TANGO6: variants seen among roughly 807,000 people sequenced by gnomAD.
TANGO6 encodes the protein transport and Golgi organization protein 6 homolog.
TANGO6 carries 90 observed loss-of-function variants against 114.2 expected under a neutral mutation model. The observed-to-expected ratio is 0.79, with a 90% CI of 0.66 to 0.94. TANGO6 has a LOEUF of 0.94. Ranked by LOEUF, TANGO6 falls within the 40% of genes least tolerant of loss-of-function variation. TANGO6 has a pLI of 0.00. For synonymous variants in TANGO6, 477 were observed against 509.8 expected, an observed-to-expected ratio of 0.94 and a Z score of 0.87; for missense variants, 1,274 against 1,315.3, an observed-to-expected ratio of 0.97 and a Z score of 0.49.
At chr16:69,078,222 G>A (rs1230395297) in intron 17 of TANGO6, among the ~76,000 whole-genome samples, 1 of 152,244 alleles carries the variant, frequency 6.6e-6, no homozygotes, top group South Asian at 2.1e-4. Context: ...CAGGCGGCCA[G>A]AGGGAGGCCC....
chr16:68,966,732 T>C (rs1299047587), intron 14 of TANGO6, among the ~76,000 whole-genome samples: 1 of 151,522 alleles, frequency 6.6e-6, no homozygotes, highest in African/African-American at 2.4e-5. Flanking sequence ...GCCTCTCAAG[T>C]AGTTAGGACT....
In TANGO6 at chr16:68,901,623, G is replaced by A. The variant is rs528629782; in HGVS notation, c.1491-705G>A. On this transcript the variant is annotated intron_variant, in intron 8 of 17. Coordinates refer to ENST00000261778, the MANE Select transcript of TANGO6 (RefSeq NM_024562.2). Reference sequence around the variant, plus strand: ...CCTGCCTCAGCCTCCTGGGTAGCTGGGCTTATAGGCACCTTCCACCATGCC... The same window carrying A: ...CCTGCCTCAGCCTCCTGGGTAGCTGAGCTTATAGGCACCTTCCACCATGCC... Among the ~76,000 whole-genome samples the A allele has an allele frequency of 1.2e-4, 18 of 152,158 alleles. 1 individual carries two copies. The South Asian group carries it at 3.3e-3, about 28-fold the overall frequency.
chr16:68,870,938 G>A (rs984991561), intron 4 of TANGO6, among the ~76,000 whole-genome samples: 8 of 147,818 alleles, frequency 5.4e-5, no homozygotes, highest in Non-Finnish European at 1.0e-4. Context: ...CAGCCACCAC[G>A]CCCGGCTAAT....
At position 68,927,711 on chromosome 16, in the gene TANGO6, G is replaced by A. The variant is rs1309333935; in HGVS notation, c.2271G>A (p.Glu757=). The change falls in exon 13 of 18, where the codon GAG becomes GAA. Residue 757 remains glutamate (E), a synonymous_variant. Coordinates refer to ENST00000261778, the MANE Select transcript of TANGO6 (RefSeq NM_024562.2). ...CTACCCATGGAGCCTTTGCCACTGA[G>A]GCCGTCAGCATGGCTGCCCAAAGTA... The part of the protein sequence containing the change: ...TISTHGAFAT[E]AVSMAAQSTL... The A allele has an allele frequency of 6.2e-7, 1 of 1,613,830 alleles. No individual in the cohort carries two copies. Among genetic ancestry groups the A allele is most frequent in the Admixed American group, 1.7e-5 (1 of 59,996 alleles).
intron 17 of TANGO6, among the ~76,000 whole-genome samples, chr16:69,044,889 C>T (rs530506282): frequency 3.0e-4 from 46 of 152,244 alleles, no homozygotes; most frequent in African/African-American, 1.1e-3. Context: ...GGCGCAGTGC[C>T]TCATGCCTAT....
intron 17 of TANGO6, among the ~76,000 whole-genome samples, chr16:69,058,652 T>C (rs1441906887): frequency 6.6e-6 from 1 of 152,216 alleles, no homozygotes; most frequent in African/African-American, 2.4e-5. Context: ...AGACTTCTGC[T>C]TCCTTAACCA....
intron 7 of TANGO6, among the ~76,000 whole-genome samples, chr16:68,897,634 A>C (rs1413893954): frequency 6.6e-6 from 1 of 151,042 alleles, no homozygotes; most frequent in Non-Finnish European, 1.5e-5. Context: ...GTTGGAGTAC[A>C]GTGGCATGAT....
intron 17 of TANGO6, among the ~76,000 whole-genome samples, chr16:69,042,217 A>G (rs1394160534): frequency 6.6e-6 from 1 of 152,194 alleles, no homozygotes; most frequent in Non-Finnish European, 1.5e-5. Context: ...ACTAATAGTG[A>G]CACAAAGGAA....
chr16:68,851,191 G>A (rs1415404928), intron 1 of TANGO6, among the ~76,000 whole-genome samples: 5 of 151,640 alleles, frequency 3.3e-5, no homozygotes, highest in South Asian at 2.1e-4. Flanking sequence ...ATGGAGTCTC[G>A]CTCTGTCTCC....
intron 15 of TANGO6, among the ~76,000 whole-genome samples, chr16:69,014,579 A>G (rs1317856516): frequency 6.6e-6 from 1 of 152,182 alleles, no homozygotes; most frequent in Admixed American, 6.6e-5. Context: ...AAAATTTGAC[A>G]TAGAGGAATC....
rs1333486280 is a variant in TANGO6, at chr16:68,919,188, T to C, written c.2096T>C (p.Leu699Pro). 1.9e-6 allele frequency: 3 copies of C among 1,612,838 alleles called. No homozygotes were observed. Among genetic ancestry groups the C allele is most frequent in the Non-Finnish European group, 2.5e-6 (3 of 1,179,536 alleles). ...ESQTLSMSMG[L>P]VAVMLGGAVQ... ...CAGACGCTGAGCATGTCCATGGGGC[T>C]GGTGGCTGTCATGCTAGGAGGAGCT... is the stretch of plus-strand genomic sequence containing the variant. The change falls in exon 12 of 18, where the codon CTG becomes CCG. Residue 699 changes from leucine (L) to proline (P), a missense_variant. Leu to Pro is a moderately conservative substitution (Grantham distance 98). Transcript: ENST00000261778.
At chr16:68,861,286 C>G (rs1020047314) in intron 2 of TANGO6, among the ~76,000 whole-genome samples, 1 of 152,176 alleles carries the variant, frequency 6.6e-6, no homozygotes, top group Admixed American at 6.5e-5. Context: ...AGTGCGGCCC[C>G]CAGGCGCAGT....
chr16:69,000,181 A>G (rs546277132), intron 15 of TANGO6, among the ~76,000 whole-genome samples: 17 of 152,362 alleles, frequency 1.1e-4, no homozygotes, highest in Non-Finnish European at 2.2e-4. Flanking sequence ...AACACATACC[A>G]GTAACACATT....
Position 68,856,416 on chromosome 16 carries a change from A to G in TANGO6, c.95-3468A>G, listed in dbSNP as rs1961994494. 2.0e-5 allele frequency among the ~76,000 whole-genome samples: 3 copies of G among 152,246 alleles called. 1 individual carries two copies. The highest frequency in any genetic ancestry group is 4.1e-4 in the South Asian group (2 of 4,832). ...TGATTGAGTGTCAAGTGTTAAGCCA[A>G]CTATGTATTCCTGGCATAAACCACA... On this transcript the variant is annotated intron_variant, in intron 1 of 17. Coordinates refer to ENST00000261778, the MANE Select transcript of TANGO6 (RefSeq NM_024562.2).
chr16:68,952,184 A>C (rs150031454), intron 14 of TANGO6, among the ~76,000 whole-genome samples: 22 of 152,262 alleles, frequency 1.4e-4, no homozygotes, highest in African/African-American at 5.3e-4. Context: ...CAGCGATTTA[A>C]ATTTTGCCCT....
At chr16:68,901,984 T>C (rs1261461940) in intron 8 of TANGO6, among the ~76,000 whole-genome samples, 1 of 151,860 alleles carries the variant, frequency 6.6e-6, no homozygotes, top group Admixed American at 6.6e-5. Context: ...GAGTAGATGA[T>C]TTTTATCCGT....
intron 15 of TANGO6, among the ~76,000 whole-genome samples, chr16:69,011,624 T>C (rs1469983547): frequency 6.6e-6 from 1 of 152,026 alleles, no homozygotes. Flanking sequence ...CCAGCTAATT[T>C]TTAAAATAAC....
chr16:69,079,074 C>G (rs1960428169), intron 17 of TANGO6, among the ~76,000 whole-genome samples: 1 of 151,862 alleles, frequency 6.6e-6, no homozygotes, highest in African/African-American at 2.4e-5. Context: ...GCCTGTAATC[C>G]CAGCACTTTG....
At chr16:69,073,816 A>C (rs942077893) in intron 17 of TANGO6, among the ~76,000 whole-genome samples, 6 of 151,988 alleles carry the variant, frequency 3.9e-5, no homozygotes, top group Non-Finnish European at 8.8e-5. Flanking sequence ...TTAGCTCGGC[A>C]TGGTGGCGGG....
Sources: gnomAD v4.1 joint callset for allele counts (sites outside exome capture counted in the v4.1 genomes callset) on GRCh38, gnomAD v4.1.1 for gene constraint, MANE v1.5 for transcripts, NCBI Gene and HGNC (gene_info 2026-07-23, HGNC 2026-07-21) for gene names.